The following MLIP variants were observed in gnomAD, a reference collection of about 807,000 sequenced individuals.
MLIP encodes the protein muscular LMNA-interacting protein.
In MLIP, 79 loss-of-function variants were observed where a neutral mutation model predicts 84.8. The ratio of observed to expected loss-of-function variants is 0.93; its 90% CI spans 0.78 to 1.12. The LOEUF (loss-of-function observed/expected upper bound fraction) is 1.12. Among genes scored for constraint, MLIP ranks in the 50% most tolerant of loss-of-function variants. The probability of loss-of-function intolerance (pLI) is 0.00; values close to 1 mark genes in which losing one functional copy is unlikely to be tolerated. For missense variants in MLIP, 1,257 were observed against 1,160.6 expected (o/e 1.08, Z -1.21); for synonymous variants, 504 against 463.0 (o/e 1.09, Z -1.14).
At chr6:54,200,378 C>T (rs1471307806) in intron 10 of MLIP, among the ~76,000 whole-genome samples, 3 of 2,956 alleles carry the variant, frequency 1.0e-3, no homozygotes, top group East Asian at 0.02. Context: ...GTTGGTTTTA[C>T]AGCCTTGTAG....
At chr6:54,261,257 T>C (rs1783371055) in intron 13 of MLIP, among the ~76,000 whole-genome samples, 1 of 152,048 alleles carries the variant, frequency 6.6e-6, no homozygotes, top group African/African-American at 2.4e-5. Flanking sequence ...GCAGACTTGT[T>C]TGTGAAAGTC....
At chr6:54,078,858 AT>A (rs1181742555) in intron 1 of MLIP, among the ~76,000 whole-genome samples, 1 of 151,676 alleles carries the variant, frequency 6.6e-6, no homozygotes, top group Non-Finnish European at 1.5e-5. Context: ...CATGCAGCTA[AT>A]TTTTGCATTT....
At chr6:54,154,176 A>T (rs140907948) in intron 5 of MLIP, among the ~76,000 whole-genome samples, 178 of 152,296 alleles carry the variant, frequency 1.2e-3, no homozygotes, top group Non-Finnish European at 2.1e-3. Context: ...TCATTAAATA[A>T]ATAAGTTTAG....
At chr6:54,123,333 CG>C in intron 2 of MLIP, among the ~76,000 whole-genome samples, 1 of 151,758 alleles carries the variant, frequency 6.6e-6, no homozygotes, top group Non-Finnish European at 1.5e-5. Context: ...TACTTGTTAT[CG>C]GGAAGGCAGG....
chr6:54,246,776 T>C (rs1782114327), intron 12 of MLIP, among the ~76,000 whole-genome samples: 3 of 152,176 alleles, frequency 2.0e-5, no homozygotes, highest in Non-Finnish European at 4.4e-5. Context: ...TTCGTATTTA[T>C]ATCCTTGTAT....
At chr6:54,100,175 T>G (rs939864635) in intron 1 of MLIP, among the ~76,000 whole-genome samples, 1 of 152,200 alleles carries the variant, frequency 6.6e-6, no homozygotes, top group Non-Finnish European at 1.5e-5. Context: ...TATAATTTTA[T>G]TTAATTCTTA....
chr6:54,049,840 T>C (rs1561892478), intron 1 of MLIP, among the ~76,000 whole-genome samples: 1 of 152,218 alleles, frequency 6.6e-6, no homozygotes, highest in African/African-American at 2.4e-5. Context: ...TGTGAAGTAA[T>C]ATCCAAAGGA....
At chr6:54,088,773 C>T (rs1048145114) in intron 1 of MLIP, among the ~76,000 whole-genome samples, 6 of 152,020 alleles carry the variant, frequency 3.9e-5, no homozygotes, top group African/African-American at 1.4e-4. Context: ...TTATTTTCAC[C>T]TTTTAAATTT....
chr6:54,071,944 A>T (rs1157199508), intron 1 of MLIP, among the ~76,000 whole-genome samples: 1 of 152,218 alleles, frequency 6.6e-6, no homozygotes, highest in African/African-American at 2.4e-5. Context: ...ACAGAATTAC[A>T]GTTCCCCTTA....
intron 11 of MLIP, among the ~76,000 whole-genome samples, chr6:54,221,033 C>T (rs112371419): frequency 0.017 from 2,643 of 152,062 alleles, 71 homozygotes; most frequent in African/African-American, 0.059. Context: ...TATCTCATGG[C>T]AAATTATTTT....
At chr6:54,108,477 A>AC (rs1769181757), upstream of MLIP, among the ~76,000 whole-genome samples, 2 of 152,234 alleles carry the variant, frequency 1.3e-5, no homozygotes, top group African/African-American at 4.8e-5. Flanking sequence ...TATCCAAAAT[A>AC]CATGTGCTCT....
At chr6:54,070,609 G>T (rs1477948458) in intron 1 of MLIP, among the ~76,000 whole-genome samples, 2 of 152,000 alleles carry the variant, frequency 1.3e-5, no homozygotes, top group East Asian at 1.9e-4. Flanking sequence ...TTTTTTGGTT[G>T]CCCAGGTCAA....
At chr6:54,095,562 G>T (rs1263833449) in intron 1 of MLIP, among the ~76,000 whole-genome samples, 1 of 152,006 alleles carries the variant, frequency 6.6e-6, no homozygotes, top group African/African-American at 2.4e-5. Flanking sequence ...TAACTGGAAT[G>T]CAGTTGGGGA....
At chr6:54,101,275 G>T (rs1406484961) in intron 1 of MLIP, among the ~76,000 whole-genome samples, 1 of 151,894 alleles carries the variant, frequency 6.6e-6, no homozygotes, top group South Asian at 2.1e-4. Flanking sequence ...AAGTAAACAT[G>T]GTAATATTCT....
Position 54,095,354 on chromosome 6 carries a change from A to G in MLIP, c.64-26093A>G, listed in dbSNP as rs139903939. ...TCAGAAGGAGTCAGGACAAAGTGAG[A>G]GGAAGGTGGGTCTCAGCTAACCCAC... is the stretch of plus-strand genomic sequence containing the variant. On this transcript the variant is annotated intron_variant, in intron 1 of 12. Transcript: ENST00000274897. Among the ~76,000 whole-genome samples, 335 of 152,278 alleles carry G rather than the reference A, an allele frequency of 2.2e-3. 2 individuals carry two copies. Among genetic ancestry groups the G allele is most frequent in the African/African-American group, 7.7e-3 (319 of 41,576 alleles).
intron 12 of MLIP, among the ~76,000 whole-genome samples, chr6:54,231,853 GA>G (rs1781027044): frequency 6.6e-6 from 1 of 151,848 alleles, no homozygotes; most frequent in East Asian, 1.9e-4. Context: ...CATTTTTAAA[GA>G]AAAAAATGTC....
chr6:54,171,345 A>C (rs1775750825), intron 9 of MLIP, among the ~76,000 whole-genome samples: 2 of 151,650 alleles, frequency 1.3e-5, no homozygotes, highest in African/African-American at 4.8e-5. Context: ...TGCAGATAAG[A>C]TTCTTGACCT....
chr6:54,114,229 C>G (rs542706442), intron 1 of MLIP, among the ~76,000 whole-genome samples: 13 of 152,156 alleles, frequency 8.5e-5, no homozygotes, highest in Non-Finnish European at 1.8e-4. Flanking sequence ...CTTTATTGAT[C>G]TCATCTAGTC....
intron 12 of MLIP, among the ~76,000 whole-genome samples, chr6:54,251,715 A>G (rs1304345607): frequency 9.4e-6 from 1 of 106,084 alleles, no homozygotes; most frequent in Admixed American, 1.3e-4. Context: ...TGATACATAT[A>G]TATTATAACA....
Sources: allele counts gnomAD v4.1 joint callset (sites outside exome capture counted in the v4.1 genomes callset), GRCh38; gene constraint gnomAD v4.1.1; transcripts MANE v1.5; gene names NCBI Gene and HGNC (gene_info 2026-07-23, HGNC 2026-07-21).